The following HS6ST2 variants were observed in gnomAD, a reference collection of about 807,000 sequenced individuals.
HS6ST2 encodes the protein heparan-sulfate 6-O-sulfotransferase 2.
A neutral mutation model predicts 33.0 loss-of-function variants in HS6ST2; 17 were observed. The ratio of observed to expected loss-of-function variants is 0.52; its 90% CI spans 0.35 to 0.77. HS6ST2 has a LOEUF of 0.77. Ranked by LOEUF, HS6ST2 falls within the 30% of genes least tolerant of loss-of-function variation. HS6ST2 has a pLI of 0.01. For missense variants in HS6ST2, 519 were observed against 551.7 expected (o/e 0.94, Z 0.59); for synonymous variants, 248 against 237.1 (o/e 1.05, Z -0.42).
At chrX:132,918,139 T>C (rs1569503705) in intron 2 of HS6ST2, among the ~76,000 whole-genome samples, 1 of 112,775 alleles carries the variant, frequency 8.9e-6, no homozygotes, top group East Asian at 2.8e-4. Context: ...CCTATTTCAT[T>C]GCATGCCCAT....
At chrX:132,890,543 C>T (rs555651044) in intron 2 of HS6ST2, among the ~76,000 whole-genome samples, 10 of 109,475 alleles carry the variant, frequency 9.1e-5, no homozygotes, top group African/African-American at 2.7e-4. Context: ...CATGTTGAAT[C>T]GTCAGAATGG....
At chrX:132,900,092 T>A (rs1227806592) in intron 2 of HS6ST2, among the ~76,000 whole-genome samples, 1 of 112,225 alleles carries the variant, frequency 8.9e-6, no homozygotes, top group Non-Finnish European at 1.9e-5. Context: ...AGTTGCTGCA[T>A]TTTCTTATTA....
intron 2 of HS6ST2, among the ~76,000 whole-genome samples, chrX:132,762,676 A>T (rs763625372): frequency 7.1e-4 from 79 of 111,288 alleles, no homozygotes; most frequent in African/African-American, 2.3e-3. Context: ...TTTCAGACAT[A>T]TTGGTCCATA....
In HS6ST2 at chrX:132,958,614, G is replaced by A. The variant is rs775194781; in HGVS notation, c.-12C>T. 2.6e-6 allele frequency: 3 copies of A among 1,154,395 alleles called. No individual in the cohort carries two copies. The East Asian group carries it at 9.5e-5, about 37-fold the overall frequency. The stretch of plus-strand genomic sequence containing the variant: ...GCAGGCAGTGCCATTCCCCCCTTCA[G>A]GCAACTCAGGGTACTAAGGATCACG... On this transcript the variant is annotated 5_prime_UTR_variant, in exon 1 of 5. Transcript: ENST00000370833.
At chrX:132,731,845 T>C (rs779218878) in intron 2 of HS6ST2, among the ~76,000 whole-genome samples, 1 of 106,332 alleles carries the variant, frequency 9.4e-6, no homozygotes, top group Admixed American at 1.0e-4. Flanking sequence ...AGACTCCGTC[T>C]CAGAAGAAAA....
intron 2 of HS6ST2, among the ~76,000 whole-genome samples, chrX:132,757,930 A>T (rs780166856): frequency 1.8e-5 from 2 of 112,178 alleles, no homozygotes; most frequent in African/African-American, 6.5e-5. Context: ...CAGGAACAGA[A>T]AGGGCTAATT....
chrX:132,678,920 C>T (rs1488331157), intron 3 of HS6ST2, among the ~76,000 whole-genome samples: 1 of 112,286 alleles, frequency 8.9e-6, no homozygotes, highest in Non-Finnish European at 1.9e-5. Flanking sequence ...TCTGGTTAAA[C>T]CCAAGATGCT....
chrX:132,759,488 TA>T, intron 2 of HS6ST2, among the ~76,000 whole-genome samples: 1 of 111,089 alleles, frequency 9.0e-6, no homozygotes, highest in East Asian at 2.8e-4. Flanking sequence ...AAAGCAACAT[TA>T]AAAAAAGATT....
At chrX:132,888,651 G>C (rs969090796) in intron 2 of HS6ST2, among the ~76,000 whole-genome samples, 2 of 111,034 alleles carry the variant, frequency 1.8e-5, no homozygotes, top group African/African-American at 6.6e-5. Flanking sequence ...TTACAGGCAC[G>C]CACCACCATG....
Position 132,676,636 on chromosome X carries a change from G to A in HS6ST2, c.981-7437C>T, listed in dbSNP as rs138618497. ...TTAATCATACATCAGATAACCTAGA[G>A]TATTTTTTAAATGCAGGTGGCAGGG... On this transcript the variant is annotated intron_variant, in intron 3 of 4. Coordinates refer to ENST00000370833, the MANE Select transcript of HS6ST2 (RefSeq NM_001394073.1). 9.3e-3 allele frequency among the ~76,000 whole-genome samples: 1,045 copies of A among 111,803 alleles called. 15 individuals carry two copies. Among genetic ancestry groups the A allele is most frequent in the African/African-American group, 0.032 (994 of 30,783 alleles).
At chrX:132,844,219 G>A (rs1312447799) in intron 2 of HS6ST2, among the ~76,000 whole-genome samples, 22 of 111,058 alleles carry the variant, frequency 2.0e-4, no homozygotes, top group Middle Eastern at 4.7e-3. Context: ...TAATGAAAGC[G>A]TGGAATCTCT....
Position 132,717,504 on chromosome X carries a change from T to C in HS6ST2, c.948-9010A>G, listed in dbSNP as rs577501502. 3.8e-4 allele frequency among the ~76,000 whole-genome samples: 43 copies of C among 112,721 alleles called. No homozygotes were observed. In the Middle Eastern group the frequency reaches 0.014, roughly 36 times the overall value. ...CGGTTTTGATGAAAGATATGAAAAC[T>C]ACCCCCACATTGTCCAGATGTTTCC... On this transcript the variant is annotated intron_variant, in intron 2 of 4. Coordinates refer to ENST00000370833, the MANE Select transcript of HS6ST2 (RefSeq NM_001394073.1).
chrX:132,826,496 T>C (rs1294793428), intron 2 of HS6ST2, among the ~76,000 whole-genome samples: 1 of 110,953 alleles, frequency 9.0e-6, no homozygotes, highest in Non-Finnish European at 1.9e-5. Flanking sequence ...AAGGTGATAA[T>C]ATTTGGGGCC....
At chrX:132,866,030 T>A (rs1281504363) in intron 2 of HS6ST2, among the ~76,000 whole-genome samples, 1 of 111,623 alleles carries the variant, frequency 9.0e-6, no homozygotes, top group Non-Finnish European at 1.9e-5. Context: ...TTGCTTTTGG[T>A]GTTTTAGACA....
At chrX:132,837,373 T>C in intron 2 of HS6ST2, among the ~76,000 whole-genome samples, 1 of 110,358 alleles carries the variant, frequency 9.1e-6, no homozygotes, top group Middle Eastern at 4.6e-3. Flanking sequence ...ATAGACGCCA[T>C]TCACGTGCCT....
At chrX:132,940,718 A>G (rs2066877821) in intron 2 of HS6ST2, among the ~76,000 whole-genome samples, 1 of 112,040 alleles carries the variant, frequency 8.9e-6, no homozygotes, top group Non-Finnish European at 1.9e-5. Context: ...GCAAATCAAT[A>G]CCACAATGAG....
At chrX:132,960,080 C>T (rs1028156110), upstream of HS6ST2, among the ~76,000 whole-genome samples, 2 of 112,159 alleles carry the variant, frequency 1.8e-5, no homozygotes, top group Non-Finnish European at 3.8e-5. Context: ...ATCTCCTGTC[C>T]TGAGGTTCCA....
intron 2 of HS6ST2, among the ~76,000 whole-genome samples, chrX:132,811,205 C>T (rs762803276): frequency 7.2e-5 from 8 of 111,252 alleles, no homozygotes; most frequent in Non-Finnish European, 1.3e-4. Flanking sequence ...CATAGTTCTG[C>T]TAAGAGGTAG....
At chrX:132,909,277 T>G (rs1389393914) in intron 2 of HS6ST2, among the ~76,000 whole-genome samples, 2 of 112,459 alleles carry the variant, frequency 1.8e-5, no homozygotes, top group Non-Finnish European at 3.8e-5. Context: ...ATGCCAAAAT[T>G]TTAATGCCTG....
Sources: allele counts gnomAD v4.1 joint callset (sites outside exome capture counted in the v4.1 genomes callset), GRCh38; gene constraint gnomAD v4.1.1; transcripts MANE v1.5; gene names NCBI Gene and HGNC (gene_info 2026-07-23, HGNC 2026-07-21).